GRID1: variants seen among roughly 807,000 people sequenced by gnomAD.
GRID1 encodes the protein glutamate receptor ionotropic, delta-1.
GRID1 carries 28 observed loss-of-function variants against 98.0 expected under a neutral mutation model. The observed-to-expected ratio is 0.29, with a 90% CI of 0.21 to 0.39. The LOEUF (loss-of-function observed/expected upper bound fraction) is 0.39, where lower values mean the gene tolerates loss of function less well. Among genes scored for constraint, GRID1 ranks in the 10% least tolerant of loss-of-function variants. The probability of loss-of-function intolerance (pLI) is 1.00; values close to 1 mark genes in which losing one functional copy is unlikely to be tolerated. For synonymous variants in GRID1, 553 were observed against 538.5 expected (o/e 1.03, Z -0.37); for missense variants, 1,111 against 1,340.5 (o/e 0.83, Z 2.67).
At chr10:86,045,837 T>C (rs1843415845) in intron 4 of GRID1, among the ~76,000 whole-genome samples, 1 of 152,168 alleles carries the variant, frequency 6.6e-6, no homozygotes. Context: ...GGGAAAGGTG[T>C]GGTGCAAGAC....
chr10:86,193,523 C>G (rs879339941), intron 3 of GRID1, among the ~76,000 whole-genome samples: 2 of 138,096 alleles, frequency 1.4e-5, no homozygotes, highest in Admixed American at 7.1e-5. Context: ...CTTGTGGGCA[C>G]ACCAGAGCTA....
At chr10:86,034,109 G>A (rs1175243936) in intron 4 of GRID1, among the ~76,000 whole-genome samples, 2 of 152,166 alleles carry the variant, frequency 1.3e-5, no homozygotes, top group Admixed American at 1.3e-4. Flanking sequence ...CTCCCGCTAT[G>A]TTGTTAATAT....
intron 2 of GRID1, among the ~76,000 whole-genome samples, chr10:86,252,340 G>A (rs1404797643): frequency 2.6e-5 from 4 of 152,158 alleles, no homozygotes; most frequent in Non-Finnish European, 4.4e-5. Context: ...CATCACCTTC[G>A]TTGTGGGCCT....
chr10:85,778,120 T>A (rs995282619), intron 8 of GRID1, among the ~76,000 whole-genome samples: 1 of 152,096 alleles, frequency 6.6e-6, no homozygotes, highest in East Asian at 1.9e-4. Flanking sequence ...TAGAACTACA[T>A]GGACGAGAAA....
intron 4 of GRID1, among the ~76,000 whole-genome samples, chr10:86,027,078 C>A (rs921399138): frequency 6.6e-6 from 1 of 152,224 alleles, no homozygotes; most frequent in East Asian, 1.9e-4. Flanking sequence ...AAATCCCAGA[C>A]TTCTCTATCT....
At chr10:85,902,673 A>G (rs911624565) in intron 5 of GRID1, among the ~76,000 whole-genome samples, 29 of 152,308 alleles carry the variant, frequency 1.9e-4, no homozygotes, top group Admixed American at 1.3e-3. Context: ...ATTCGAAGTC[A>G]CTCAGATCTC....
At chr10:85,698,606 T>C (rs1180259190) in intron 12 of GRID1, among the ~76,000 whole-genome samples, 1 of 152,228 alleles carries the variant, frequency 6.6e-6, no homozygotes, top group Non-Finnish European at 1.5e-5. Flanking sequence ...TTGAAAATTA[T>C]AAATAAAGCA....
chr10:86,207,252 T>C (rs766252100), intron 2 of GRID1, among the ~76,000 whole-genome samples: 4 of 152,044 alleles, frequency 2.6e-5, no homozygotes, highest in Non-Finnish European at 5.9e-5. Flanking sequence ...ATCCAAGTGA[T>C]CCATATCACA....
intron 5 of GRID1, among the ~76,000 whole-genome samples, chr10:85,907,153 C>T (rs1346303046): frequency 1.3e-5 from 2 of 151,978 alleles, no homozygotes. Flanking sequence ...ACTCTGTTGC[C>T]CAGGTTGGAG....
At chr10:86,122,774 T>C (rs1478423774) in intron 4 of GRID1, among the ~76,000 whole-genome samples, 1 of 152,242 alleles carries the variant, frequency 6.6e-6, no homozygotes, top group Non-Finnish European at 1.5e-5. Flanking sequence ...TCTCCCAGTA[T>C]GCCTGGACCA....
rs373380682 is a variant in GRID1, at chr10:86,281,568, A to C, written c.236-74920T>G. On this transcript the variant is annotated intron_variant, in intron 2 of 15. Coordinates refer to ENST00000327946, the MANE Select transcript of GRID1 (RefSeq NM_017551.3). ...GCATGGGGAACTATGGCCAAAAGCA[A>C]CTTTGTTGTTCATGAGATCTTCCAA... is the stretch of plus-strand genomic sequence containing the variant. Among the ~76,000 whole-genome samples, 18 of 152,320 alleles carry C rather than the reference A, an allele frequency of 1.2e-4. 1 individual carries two copies. Among genetic ancestry groups the C allele is most frequent in the Admixed American group, 9.2e-4 (14 of 15,284 alleles).
chr10:86,103,641 C>T (rs1040738004), intron 4 of GRID1, among the ~76,000 whole-genome samples: 3 of 152,204 alleles, frequency 2.0e-5, no homozygotes, highest in African/African-American at 7.2e-5. Flanking sequence ...CAGGAACAGG[C>T]TCCCCTTCAT....
chr10:85,738,206 T>C (rs1181253287), intron 8 of GRID1, among the ~76,000 whole-genome samples: 2 of 152,064 alleles, frequency 1.3e-5, no homozygotes, highest in Non-Finnish European at 2.9e-5. Context: ...TACAAACAAC[T>C]CATTTTTAAA....
intron 2 of GRID1, among the ~76,000 whole-genome samples, chr10:86,294,004 G>C (rs567700775): frequency 6.6e-6 from 1 of 152,340 alleles, no homozygotes; most frequent in South Asian, 2.1e-4. Context: ...ATATGGCTGA[G>C]TGGATGATAG....
At chr10:85,841,830 T>C (rs1166260273) in intron 8 of GRID1, among the ~76,000 whole-genome samples, 2 of 152,088 alleles carry the variant, frequency 1.3e-5, no homozygotes, top group African/African-American at 4.8e-5. Flanking sequence ...AAATAACAGA[T>C]GATGGCAAGG....
At chr10:86,313,855 G>T (rs535030703) in intron 2 of GRID1, among the ~76,000 whole-genome samples, 2 of 152,268 alleles carry the variant, frequency 1.3e-5, no homozygotes, top group South Asian at 4.1e-4. Flanking sequence ...TGGGCCTGTC[G>T]GCGCTTGTTG....
intron 12 of GRID1, among the ~76,000 whole-genome samples, chr10:85,701,585 G>T (rs148288235): frequency 6.6e-6 from 1 of 152,116 alleles, no homozygotes; most frequent in Non-Finnish European, 1.5e-5. Flanking sequence ...GTTAAGACTT[G>T]AAAGGGTGAT....
At chr10:86,226,151 G>A (rs1054869984) in intron 2 of GRID1, among the ~76,000 whole-genome samples, 2 of 151,994 alleles carry the variant, frequency 1.3e-5, no homozygotes, top group Non-Finnish European at 2.9e-5. Context: ...TCAGAGCCAC[G>A]TCTCTGGACA....
chr10:85,942,993 C>A (rs902201216), intron 4 of GRID1, among the ~76,000 whole-genome samples: 2 of 152,182 alleles, frequency 1.3e-5, no homozygotes, highest in African/African-American at 2.4e-5. Context: ...CTAATAAATT[C>A]TTTGCAATAG....
Sources: allele counts gnomAD v4.1 joint callset (sites outside exome capture counted in the v4.1 genomes callset), GRCh38; gene constraint gnomAD v4.1.1; transcripts MANE v1.5; gene names NCBI Gene and HGNC (gene_info 2026-07-23, HGNC 2026-07-21).